The following FRMD4B variants were observed in gnomAD, a reference collection of about 807,000 sequenced individuals.
FRMD4B encodes the protein FERM domain-containing protein 4B.
In FRMD4B, 74 loss-of-function variants were observed where a neutral mutation model predicts 141.5. The observed-to-expected ratio is 0.52, with a 90% CI of 0.43 to 0.63. The LOEUF (loss-of-function observed/expected upper bound fraction) is 0.63. Among genes scored for constraint, FRMD4B ranks in the 30% least tolerant of loss-of-function variants. The pLI, the probability that FRMD4B is intolerant of heterozygous loss-of-function variation, is 0.00. For synonymous variants in FRMD4B, 506 were observed against 467.9 expected (o/e 1.08, Z -1.05); for missense variants, 1,366 against 1,253.4 (o/e 1.09, Z -1.36).
intron 1 of FRMD4B, among the ~76,000 whole-genome samples, chr3:69,455,678 A>C (rs755116619): frequency 2.6e-5 from 4 of 152,186 alleles, no homozygotes; most frequent in Non-Finnish European, 1.5e-5. Context: ...AAAACCCACC[A>C]ATTTTGGGCA....
chr3:69,186,263 T>C (rs2092766495), intron 19 of FRMD4B, among the ~76,000 whole-genome samples: 1 of 97,470 alleles, frequency 1.0e-5, no homozygotes, highest in African/African-American at 3.8e-5. Flanking sequence ...TTTTTTTTTT[T>C]GAGACAGCAT....
At chr3:69,387,257 C>A (rs1027781962), upstream of FRMD4B, among the ~76,000 whole-genome samples, 2 of 152,070 alleles carry the variant, frequency 1.3e-5, no homozygotes, top group Non-Finnish European at 2.9e-5. Flanking sequence ...ACCTCAGCCA[C>A]GGGGACTACA....
chr3:69,200,636 T>C, intron 11 of FRMD4B: 8 of 1,223,838 alleles, frequency 6.5e-6, no homozygotes, highest in Middle Eastern at 4.6e-4. Context: ...CTTCCTCCCA[T>C]CAGGGAGAGG....
intron 2 of FRMD4B, among the ~76,000 whole-genome samples, chr3:69,399,893 G>A (rs1018193808): frequency 6.6e-6 from 1 of 152,120 alleles, no homozygotes; most frequent in African/African-American, 2.4e-5. Context: ...CCCTTATATT[G>A]TCATTGCTTA....
At chr3:69,244,396 G>A (rs2106734113) in intron 7 of FRMD4B, among the ~76,000 whole-genome samples, 1 of 152,286 alleles carries the variant, frequency 6.6e-6, no homozygotes, top group South Asian at 2.1e-4. Flanking sequence ...AGAATTAGGT[G>A]GTCAGTCATT....
At chr3:69,228,729 T>C (rs572190489) in intron 7 of FRMD4B, 1 of 293,346 alleles carries the variant, frequency 3.4e-6, no homozygotes, top group South Asian at 3.4e-5. Context: ...TTTCAGCTAC[T>C]TGGGAGGCTG....
At chr3:69,390,420 G>A (rs565034765), upstream of FRMD4B, among the ~76,000 whole-genome samples, 6 of 152,324 alleles carry the variant, frequency 3.9e-5, no homozygotes, top group South Asian at 1.0e-3. Context: ...GCTGAGACAT[G>A]TGGCAATGTC....
At chr3:69,318,676 T>C (rs1267508092) in intron 1 of FRMD4B, among the ~76,000 whole-genome samples, 2 of 152,218 alleles carry the variant, frequency 1.3e-5, no homozygotes, top group African/African-American at 2.4e-5. Context: ...TTGTCACTTA[T>C]TTAAATTGGA....
chr3:69,521,779 C>T lies in FRMD4B; in HGVS notation c.-129+20427G>A, dbSNP rs139475446. On this transcript the variant is annotated intron_variant, in intron 1 of 5. Transcript: ENST00000459638. The stretch of plus-strand genomic sequence containing the variant: ...ACCCTCTTCCTAGGAATACCCACCC[C>T]GCAGACATTCCCATGGCGGGGTCTT... Among the ~76,000 whole-genome samples, 29 of 152,296 alleles carry T rather than the reference C, an allele frequency of 1.9e-4. 1 individual carries two copies. The highest frequency in any genetic ancestry group is 8.5e-4 in the Admixed American group (13 of 15,302).
chr3:69,520,940 A>G (rs917694274), intron 1 of FRMD4B, among the ~76,000 whole-genome samples: 1 of 152,112 alleles, frequency 6.6e-6, no homozygotes, highest in Non-Finnish European at 1.5e-5. Context: ...AGTACTCTAA[A>G]TTTTTCACTT....
intron 4 of FRMD4B, among the ~76,000 whole-genome samples, chr3:69,291,098 G>A (rs4855382): frequency 0.53 from 80,233 of 152,074 alleles, 21,359 homozygotes; most frequent in Non-Finnish European, 0.56. Context: ...ATTAACCTAT[G>A]AAACACCTTT....
In FRMD4B at chr3:69,341,666, G is replaced by T. The variant is rs533318396; in HGVS notation, c.163-28149C>A. Among the ~76,000 whole-genome samples the T allele has an allele frequency of 1.2e-3, 179 of 152,290 alleles. 3 individuals are homozygous for T. The highest frequency in any genetic ancestry group is 4.6e-3 in the East Asian group (24 of 5,180). Reference sequence around the variant, plus strand: ...GTGGTCCCTCCAAAATTCAGGTGTTGCCAATGTCTGTAGTATTAAGAGGCA... The same window carrying T: ...GTGGTCCCTCCAAAATTCAGGTGTTTCCAATGTCTGTAGTATTAAGAGGCA... On this transcript the variant is annotated intron_variant, in intron 1 of 22. Transcript: ENST00000398540.
At chr3:69,414,585 G>T (rs1704817387) in intron 2 of FRMD4B, among the ~76,000 whole-genome samples, 1 of 152,236 alleles carries the variant, frequency 6.6e-6, no homozygotes, top group African/African-American at 2.4e-5. Context: ...AAAGTGCTGG[G>T]ATTAGGGTTG....
chr3:69,370,619 G>A (rs1457351926), intron 1 of FRMD4B, among the ~76,000 whole-genome samples: 3 of 152,248 alleles, frequency 2.0e-5, no homozygotes, highest in Non-Finnish European at 1.5e-5. Context: ...ACATACAAAT[G>A]TATTTCAACA....
At chr3:69,437,265 TCTCA>T (rs1390360800) in intron 1 of FRMD4B, among the ~76,000 whole-genome samples, 1 of 151,554 alleles carries the variant, frequency 6.6e-6, no homozygotes. Context: ...AGAGATGAGG[TCTCA>T]CTATGTTGCT....
intron 5 of FRMD4B, among the ~76,000 whole-genome samples, chr3:69,254,942 G>A (rs1232288068): frequency 6.6e-6 from 1 of 151,934 alleles, no homozygotes; most frequent in African/African-American, 2.4e-5. Flanking sequence ...AAAACATCTG[G>A]CTCATGCTCT....
At chr3:69,215,439 C>A (rs1409746340) in intron 11 of FRMD4B, among the ~76,000 whole-genome samples, 1 of 151,316 alleles carries the variant, frequency 6.6e-6, no homozygotes, top group Non-Finnish European at 1.5e-5. Context: ...ATTACAGATG[C>A]CTGCCACTAC....
intron 1 of FRMD4B, among the ~76,000 whole-genome samples, chr3:69,499,766 T>C (rs1706462166): frequency 6.6e-6 from 1 of 152,178 alleles, no homozygotes; most frequent in Admixed American, 6.5e-5. Flanking sequence ...CCAAGCCTTC[T>C]GGTGTTAATA....
intron 3 of FRMD4B, chr3:69,310,552 A>AG (rs767228878): frequency 2.9e-6 from 1 of 350,148 alleles, no homozygotes; most frequent in South Asian, 1.7e-5. Flanking sequence ...ACACACAGAC[A>AG]AACACACACA....
Sources: allele counts gnomAD v4.1 joint callset (sites outside exome capture counted in the v4.1 genomes callset), GRCh38; gene constraint gnomAD v4.1.1; transcripts MANE v1.5; gene names NCBI Gene and HGNC (gene_info 2026-07-23, HGNC 2026-07-21).